Variants in CTNND2 observed in about 807,000 individuals in gnomAD.
CTNND2 encodes catenin delta 2.
CTNND2 carries 22 observed loss-of-function variants against 144.4 expected under a neutral mutation model. That is an observed-to-expected ratio of 0.15 (90% CI 0.11 to 0.22). The LOEUF is 0.22. Among genes scored for constraint, CTNND2 ranks in the 10% least tolerant of loss-of-function variants. CTNND2 has a pLI of 1.00. For missense variants in CTNND2, 1,353 were observed against 1,618.8 expected, an observed-to-expected ratio of 0.84 and a Z score of 2.82; for synonymous variants, 751 against 695.6, an observed-to-expected ratio of 1.08 and a Z score of -1.25.
At chr5:11,074,522 T>C (rs1010699846) in intron 16 of CTNND2, among the ~76,000 whole-genome samples, 2 of 152,210 alleles carry the variant, frequency 1.3e-5, no homozygotes, top group African/African-American at 2.4e-5. Context: ...GTTCATGCTC[T>C]CATCATTGAG....
At chr5:11,847,358 T>C (rs1040751309) in intron 1 of CTNND2, among the ~76,000 whole-genome samples, 24 of 151,904 alleles carry the variant, frequency 1.6e-4, no homozygotes, top group Admixed American at 3.3e-4. Context: ...GAGGACATTA[T>C]GTTAAGTGAA....
At chr5:11,901,873 G>C (rs1458472) in intron 1 of CTNND2, among the ~76,000 whole-genome samples, 111,393 of 152,080 alleles carry the variant, frequency 0.73, 41,009 homozygotes, top group South Asian at 0.83. Context: ...AGGCTCAAAA[G>C]GAAAAAAGAA....
chr5:11,337,891 T>C (rs528981458), intron 9 of CTNND2, among the ~76,000 whole-genome samples: 4 of 152,210 alleles, frequency 2.6e-5, no homozygotes, highest in Non-Finnish European at 5.9e-5. Context: ...ACTTTAATTA[T>C]TGCATGGTAC....
chr5:11,441,528 G>A (rs1051843282), intron 3 of CTNND2, among the ~76,000 whole-genome samples: 7 of 151,360 alleles, frequency 4.6e-5, no homozygotes, highest in African/African-American at 7.3e-5. Context: ...ACAGGCGCCC[G>A]CCACCATGCC....
chr5:11,592,067 A>G (rs1779268526), intron 2 of CTNND2, among the ~76,000 whole-genome samples: 1 of 149,634 alleles, frequency 6.7e-6, no homozygotes, highest in Non-Finnish European at 1.5e-5. Flanking sequence ...ATGTCTTCAG[A>G]ACTCAGTGTT....
chr5:11,573,342 A>T (rs191075954), intron 2 of CTNND2, among the ~76,000 whole-genome samples: 2 of 152,206 alleles, frequency 1.3e-5, no homozygotes, highest in African/African-American at 4.8e-5. Context: ...AATTAATACC[A>T]TTGAGTATGC....
At chr5:11,165,819 C>T (rs184742284) in intron 11 of CTNND2, among the ~76,000 whole-genome samples, 14 of 152,170 alleles carry the variant, frequency 9.2e-5, no homozygotes, top group Admixed American at 3.3e-4. Context: ...CTTTATAATG[C>T]TTTAATACAG....
At chr5:11,077,275 G>A (rs550335771) in intron 16 of CTNND2, among the ~76,000 whole-genome samples, 1 of 152,294 alleles carries the variant, frequency 6.6e-6, no homozygotes, top group East Asian at 1.9e-4. Flanking sequence ...AGATGAATAA[G>A]TAATACATTA....
chr5:11,303,621 CT>C lies in CTNND2; in HGVS notation c.1628+42750del, dbSNP rs530697391. On this transcript the variant is annotated intron_variant, in intron 9 of 21. Coordinates refer to ENST00000304623, the MANE Select transcript of CTNND2 (RefSeq NM_001332.4). ...GACCATAATGACCTGATCACTATTC[CT>C]TCTTCATTCAGGAAGAGCTCCAAGA... is the stretch of plus-strand genomic sequence containing the variant. 2.8e-3 allele frequency among the ~76,000 whole-genome samples: 425 copies of C among 152,280 alleles called. 2 individuals are homozygous for C. The highest frequency in any genetic ancestry group is 4.3e-3 in the Non-Finnish European group (292 of 68,022).
At chr5:11,335,052 T>C (rs1158890714) in intron 9 of CTNND2, among the ~76,000 whole-genome samples, 1 of 152,116 alleles carries the variant, frequency 6.6e-6, no homozygotes, top group East Asian at 1.9e-4. Flanking sequence ...CCTCCTTTCC[T>C]CCTCCTTCTT....
At chr5:11,204,751 G>C (rs1334247326) in intron 10 of CTNND2, among the ~76,000 whole-genome samples, 1 of 152,074 alleles carries the variant, frequency 6.6e-6, no homozygotes, top group Non-Finnish European at 1.5e-5. Flanking sequence ...ATGATGTATA[G>C]TGGATAAAAA....
chr5:11,199,722 A>C (rs1737237751), intron 10 of CTNND2, 61 bp from the exon 11 acceptor site: 5 of 1,267,716 alleles, frequency 3.9e-6, no homozygotes, highest in Non-Finnish European at 5.7e-6. Flanking sequence ...CCTACACCAA[A>C]ACATGTTTTT....
intron 1 of CTNND2, among the ~76,000 whole-genome samples, chr5:11,785,641 G>A (rs147608605): frequency 1.4e-3 from 168 of 120,604 alleles, no homozygotes; most frequent in Non-Finnish European, 2.3e-3. Flanking sequence ...TCCCAAACTC[G>A]CAGGTTAAAT....
At chr5:11,272,794 T>C (rs1006184207) in intron 9 of CTNND2, among the ~76,000 whole-genome samples, 1 of 152,208 alleles carries the variant, frequency 6.6e-6, no homozygotes. Context: ...TATCTACTTT[T>C]ATAATTCAGA....
intron 1 of CTNND2, among the ~76,000 whole-genome samples, chr5:11,830,790 C>T (rs1364020213): frequency 6.6e-6 from 1 of 152,146 alleles, no homozygotes; most frequent in African/African-American, 2.4e-5. Context: ...CCTTACGCAC[C>T]TCCAGCAACT....
chr5:11,362,813 T>G lies in CTNND2; in HGVS notation c.1372+1883A>C, dbSNP rs1466631381. 2.0e-5 allele frequency among the ~76,000 whole-genome samples: 3 copies of G among 152,308 alleles called. No homozygotes were observed. The East Asian group carries it at 5.8e-4, about 29-fold the overall frequency. On this transcript the variant is annotated intron_variant, in intron 8 of 21. Coordinates refer to ENST00000304623, the MANE Select transcript of CTNND2 (RefSeq NM_001332.4). ...TTCTGGATAGCTCTCCATTGACCGC[T>G]TGGAGCAGGAGACGACAAATTTTTC...
At chr5:11,358,681 G>A (rs950221643) in intron 8 of CTNND2, among the ~76,000 whole-genome samples, 1 of 152,104 alleles carries the variant, frequency 6.6e-6, no homozygotes, top group African/African-American at 2.4e-5. Flanking sequence ...GAATATGCAG[G>A]TCCTATGTAA....
intron 3 of CTNND2, among the ~76,000 whole-genome samples, chr5:11,434,036 T>C (rs913907895): frequency 6.6e-6 from 1 of 152,184 alleles, no homozygotes; most frequent in Non-Finnish European, 1.5e-5. Context: ...TACTTAGTAG[T>C]TTTATTCATA....
chr5:11,058,260 C>G (rs1235279960), intron 16 of CTNND2, among the ~76,000 whole-genome samples: 1 of 152,210 alleles, frequency 6.6e-6, no homozygotes, highest in Admixed American at 6.5e-5. Context: ...CCACCACAGG[C>G]CTGGAGGCCT....
Sources: gnomAD v4.1 joint callset for allele counts (sites outside exome capture counted in the v4.1 genomes callset) on GRCh38, gnomAD v4.1.1 for gene constraint, MANE v1.5 for transcripts, NCBI Gene and HGNC (gene_info 2026-07-23, HGNC 2026-07-21) for gene names.